Variants in CTNNA3 observed in about 807,000 individuals in gnomAD.
CTNNA3 encodes catenin alpha 3, also known as catenin alpha-3.
In CTNNA3, 76 loss-of-function variants were observed where a neutral mutation model predicts 95.7. The observed-to-expected ratio is 0.79, with a 90% confidence interval of 0.66 to 0.96. The LOEUF is 0.96. Ranked by LOEUF, CTNNA3 falls within the 40% of genes least tolerant of loss-of-function variation. The probability of loss-of-function intolerance (pLI) is 0.00; values close to 1 mark genes in which losing one functional copy is unlikely to be tolerated. For synonymous variants in CTNNA3, 431 were observed against 374.4 expected (o/e 1.15, Z -1.74); for missense variants, 1,191 against 1,089.8 (o/e 1.09, Z -1.31).
At chr10:67,017,482 G>A (rs1024010224) in intron 7 of CTNNA3, among the ~76,000 whole-genome samples, 1 of 152,068 alleles carries the variant, frequency 6.6e-6, no homozygotes, top group African/African-American at 2.4e-5. Flanking sequence ...TACCATGCTG[G>A]CATCCACAAT....
chr10:67,630,025 A>G (rs1839088994), intron 2 of CTNNA3, among the ~76,000 whole-genome samples: 1 of 152,200 alleles, frequency 6.6e-6, no homozygotes, highest in South Asian at 2.1e-4. Context: ...CCCCAGAGGC[A>G]GAGCTCTCAT....
chr10:65,993,181 T>C (rs1438928264), intron 15 of CTNNA3, among the ~76,000 whole-genome samples: 1 of 152,242 alleles, frequency 6.6e-6, no homozygotes, highest in Non-Finnish European at 1.5e-5. Context: ...TCCTACAGGA[T>C]GTCTATGTGG....
intron 17 of CTNNA3, among the ~76,000 whole-genome samples, chr10:65,939,865 A>G (rs934298174): frequency 6.6e-6 from 1 of 152,142 alleles, no homozygotes; most frequent in Non-Finnish European, 1.5e-5. Flanking sequence ...TATTTTGGGA[A>G]AAAGTAACCT....
intron 10 of CTNNA3, among the ~76,000 whole-genome samples, chr10:66,588,895 A>C: frequency 6.6e-6 from 1 of 151,872 alleles, no homozygotes; most frequent in Non-Finnish European, 1.5e-5. Flanking sequence ...TAGTGGGAGT[A>C]CAGTGGAGAT....
intron 2 of CTNNA3, among the ~76,000 whole-genome samples, chr10:67,628,686 G>A (rs1019875643): frequency 6.6e-6 from 1 of 151,964 alleles, no homozygotes; most frequent in East Asian, 1.9e-4. Context: ...TTCCAAAACT[G>A]TATGAGATTT....
At position 67,480,341 on chromosome 10, in the gene CTNNA3, G is replaced by T. The variant is rs150410541; in HGVS notation, c.579+41501C>A. Among the ~76,000 whole-genome samples, 553 of 152,186 alleles carry T rather than the reference G, an allele frequency of 3.6e-3. 8 individuals carry two copies. The highest frequency in any genetic ancestry group is 0.013 in the African/African-American group (530 of 41,530). Reference sequence around the variant, plus strand: ...CTGATGAACACAGATGTAAAAATCCGCAACACAATTGCTAGGAACAGGCCT... The same window carrying T: ...CTGATGAACACAGATGTAAAAATCCTCAACACAATTGCTAGGAACAGGCCT... On this transcript the variant is annotated intron_variant, in intron 5 of 17. Coordinates refer to ENST00000433211, the MANE Select transcript of CTNNA3 (RefSeq NM_013266.4).
chr10:67,558,389 T>C (rs980358640), intron 3 of CTNNA3, among the ~76,000 whole-genome samples: 1 of 152,212 alleles, frequency 6.6e-6, no homozygotes, highest in African/African-American at 2.4e-5. Context: ...TCTACCATGC[T>C]TAAAAATAGG....
intron 7 of CTNNA3, among the ~76,000 whole-genome samples, chr10:67,021,533 A>G (rs1853015488): frequency 6.6e-6 from 1 of 152,152 alleles, no homozygotes; most frequent in Non-Finnish European, 1.5e-5. Context: ...AAAAATTACA[A>G]TAAAAAATTT....
chr10:66,318,219 G>T (rs1218734667), intron 12 of CTNNA3, among the ~76,000 whole-genome samples: 1 of 150,680 alleles, frequency 6.6e-6, no homozygotes, highest in Non-Finnish European at 1.5e-5. Flanking sequence ...ATAGTTAGTG[G>T]AATCAGCTGA....
At chr10:67,692,116 T>TG (rs1391969447) in intron 1 of CTNNA3, among the ~76,000 whole-genome samples, 13 of 127,434 alleles carry the variant, frequency 1.0e-4, no homozygotes, top group African/African-American at 2.7e-4. Flanking sequence ...GGGAGGGAGG[T>TG]GGGGGGTCAG....
intron 5 of CTNNA3, among the ~76,000 whole-genome samples, chr10:67,485,579 G>A (rs1200541587): frequency 6.6e-6 from 1 of 152,040 alleles, no homozygotes; most frequent in Non-Finnish European, 1.5e-5. Flanking sequence ...AAGAGCAGCA[G>A]TACCCAAGTT....
chr10:67,747,570 A>G (rs1207853897), intron 1 of CTNNA3, among the ~76,000 whole-genome samples: 3 of 152,226 alleles, frequency 2.0e-5, no homozygotes, highest in Admixed American at 1.3e-4. Context: ...CAGCAACAGC[A>G]TCAACAAAAA....
chr10:66,570,114 G>A (rs1463954963), intron 10 of CTNNA3, among the ~76,000 whole-genome samples: 1 of 151,998 alleles, frequency 6.6e-6, no homozygotes, highest in Non-Finnish European at 1.5e-5. Context: ...CAGGAGATAT[G>A]TTACCAAAAC....
Position 66,204,184 on chromosome 10 carries a change from C to A in CTNNA3, c.1884+76286G>T, listed in dbSNP as rs185221945. Among the ~76,000 whole-genome samples, 154 of 152,234 alleles carry A rather than the reference C, an allele frequency of 1.0e-3. 1 individual carries two copies. Among genetic ancestry groups the A allele is most frequent in the African/African-American group, 3.6e-3 (148 of 41,574 alleles). On this transcript the variant is annotated intron_variant, in intron 13 of 17. Coordinates refer to ENST00000433211, the MANE Select transcript of CTNNA3 (RefSeq NM_013266.4). ...TAAAAGAATGAAAATGAACTACTCA[C>A]ATTACTTCATCTCTTCACTTCTAGG...
chr10:66,178,936 C>T lies in CTNNA3; in HGVS notation c.1885-75687G>A, dbSNP rs548909746. Among the ~76,000 whole-genome samples the T allele has an allele frequency of 4.6e-5, 7 of 152,046 alleles. No individual in the cohort carries two copies. The South Asian group carries it at 1.2e-3, about 27-fold the overall frequency. The stretch of plus-strand genomic sequence containing the variant: ...TAGTGATGACACAGAAACTGTGTCA[C>T]TCATACATGGCTAATTGGAATGTAA... On this transcript the variant is annotated intron_variant, in intron 13 of 17. Transcript: ENST00000433211.
chr10:65,974,805 A>C (rs2078180276), intron 16 of CTNNA3, among the ~76,000 whole-genome samples: 2 of 152,194 alleles, frequency 1.3e-5, no homozygotes, highest in African/African-American at 4.8e-5. Context: ...CTGGGAAAGA[A>C]ATATATGACA....
At chr10:66,564,083 A>C (rs1389110193) in intron 10 of CTNNA3, among the ~76,000 whole-genome samples, 2 of 152,236 alleles carry the variant, frequency 1.3e-5, no homozygotes, top group East Asian at 3.9e-4. Context: ...TTGGCAAAAC[A>C]AACTTTCTCC....
At chr10:66,715,182 G>A (rs1471985112) in intron 9 of CTNNA3, among the ~76,000 whole-genome samples, 1 of 151,910 alleles carries the variant, frequency 6.6e-6, no homozygotes, top group African/African-American at 2.4e-5. Context: ...CTTCTTCCAG[G>A]TCCACCTACA....
intron 5 of CTNNA3, among the ~76,000 whole-genome samples, chr10:67,515,539 C>T (rs572712789): frequency 2.7e-4 from 41 of 152,150 alleles, no homozygotes; most frequent in African/African-American, 9.9e-4. Context: ...TATACCTGTG[C>T]AATAAATTTT....
Sources: gnomAD v4.1 joint callset for allele counts (sites outside exome capture counted in the v4.1 genomes callset) on GRCh38, gnomAD v4.1.1 for gene constraint, MANE v1.5 for transcripts, NCBI Gene and HGNC (gene_info 2026-07-23, HGNC 2026-07-21) for gene names.